VPS37A: variants seen among roughly 807,000 people sequenced by gnomAD.
VPS37A encodes vacuolar protein sorting-associated protein 37A.
In VPS37A, 30 loss-of-function variants were observed where a neutral mutation model predicts 49.8. That is an observed-to-expected ratio of 0.60 (90% CI 0.45 to 0.82). VPS37A has a LOEUF of 0.82. Ranked by LOEUF, VPS37A falls within the 40% of genes least tolerant of loss-of-function variation. The pLI, the probability that VPS37A is intolerant of heterozygous loss-of-function variation, is 0.00. For missense variants in VPS37A, 593 were observed against 464.4 expected (o/e 1.28, Z -2.55); for synonymous variants, 195 against 160.6 (o/e 1.21, Z -1.62).
chr8:17,330,568 T>C, the VPS37A span, among the ~76,000 whole-genome samples: 5 of 152,234 alleles, frequency 3.3e-5, no homozygotes, highest in Admixed American at 1.3e-4. Context: ...TCTTCTCTAT[T>C]ACATAATCCA....
In VPS37A at chr8:17,294,232, C is replaced by T. The variant is rs541477168; in HGVS notation, c.*1-755C>T. On this transcript the variant is annotated intron_variant, in intron 11 of 11. Coordinates refer to ENST00000324849, the MANE Select transcript of VPS37A (RefSeq NM_152415.3). Reference sequence around the variant, plus strand: ...TGGGCTTTGCCCAGTCCAAACTTCCCGGAGGCTTTGTTTACACTGTGAGGG... The same window carrying T: ...TGGGCTTTGCCCAGTCCAAACTTCCTGGAGGCTTTGTTTACACTGTGAGGG... Among the ~76,000 whole-genome samples the T allele has an allele frequency of 5.9e-5, 9 of 152,234 alleles. No homozygotes were observed. In the East Asian group the frequency reaches 1.2e-3, roughly 20 times the overall value.
intron 1 of VPS37A, among the ~76,000 whole-genome samples, chr8:17,265,140 C>T (rs1465843501): frequency 6.6e-6 from 1 of 152,150 alleles, no homozygotes; most frequent in East Asian, 1.9e-4. Context: ...TAGTGCATGG[C>T]TTCAATTCTC....
intron 1 of VPS37A, among the ~76,000 whole-genome samples, chr8:17,253,250 G>A (rs927157587): frequency 1.3e-5 from 2 of 152,084 alleles, no homozygotes; most frequent in East Asian, 1.9e-4. Flanking sequence ...AACCTGTGCC[G>A]TCTTCCATTT....
At chr8:17,278,517 G>A (rs1249907548) in intron 6 of VPS37A, among the ~76,000 whole-genome samples, 1 of 151,996 alleles carries the variant, frequency 6.6e-6, no homozygotes, top group Non-Finnish European at 1.5e-5. Flanking sequence ...TGCTCTGATG[G>A]GTGAGAAACT....
rs994149373 is a variant in VPS37A at position 17,247,120 on chromosome 8, G to C, written c.-125G>C. The C allele has an allele frequency of 1.5e-6, 2 of 1,300,456 alleles. No individual in the cohort carries two copies. The highest frequency in any genetic ancestry group is 3.0e-5 in the African/African-American group (2 of 67,556). The allele number at this position is 1,300,456 out of a possible 1,614,324, so 80.6% of individuals were successfully genotyped here. A position where few individuals can be genotyped will look rare whatever the true frequency, so the allele number is the denominator to read the frequency against. On this transcript the variant is annotated 5_prime_UTR_variant, in exon 1 of 12. Transcript: ENST00000324849. Reference sequence around the variant, plus strand: ...GCAGGACAGGCTTAGAGAAGACGCGGTCCCCAGCGCTTGGGCCACGGACGT... The same window carrying C: ...GCAGGACAGGCTTAGAGAAGACGCGCTCCCCAGCGCTTGGGCCACGGACGT...
intron 6 of VPS37A, 27 bp downstream of exon 6, chr8:17,276,494 C>G: frequency 1.9e-6 from 3 of 1,588,614 alleles, no homozygotes; most frequent in South Asian, 2.3e-5. Flanking sequence ...AAGTTGGTCA[C>G]ATTGTCTATT....
intron 1 of VPS37A, chr8:17,247,907 G>A (rs1186965747): frequency 1.6e-6 from 1 of 632,276 alleles, no homozygotes; most frequent in Non-Finnish European, 2.8e-6. Context: ...TACCCTGTTG[G>A]AGCAGTCTCT....
At chr8:17,306,577 T>C (rs999897979), downstream of VPS37A, among the ~76,000 whole-genome samples, 8 of 152,216 alleles carry the variant, frequency 5.3e-5, no homozygotes, top group Non-Finnish European at 7.3e-5. Flanking sequence ...GATTTTAAAA[T>C]GAAGACTCCT....
the VPS37A span, among the ~76,000 whole-genome samples, chr8:17,312,094 A>C: frequency 7.2e-3 from 1,098 of 152,336 alleles, 12 homozygotes; most frequent in African/African-American, 0.025. Flanking sequence ...AAGGTTGAGG[A>C]AAGGAAAAAA....
At position 17,247,283 on chromosome 8, in the gene VPS37A, C is replaced by T. The variant is rs775592742; in HGVS notation, c.39C>T (p.Ser13=). The change falls in exon 1 of 12, where the codon TCC becomes TCT. Residue 13 remains serine, a synonymous_variant. Transcript: ENST00000324849. ...TTCCCCTGACCAAGAGCGCCTCCTCCTCCGCGGCTGGGTCCCCCGGTGGCC... is the reference window on the plus strand; with the variant it reads ...TTCCCCTGACCAAGAGCGCCTCCTCTTCCGCGGCTGGGTCCCCCGGTGGCC... The part of the protein sequence containing the change: ...WLFPLTKSAS[S]SAAGSPGGLT... 3.2e-6 allele frequency: 5 copies of T among 1,567,114 alleles called. No individual in the cohort carries two copies. Among genetic ancestry groups the T allele is most frequent in the Non-Finnish European group, 4.3e-6 (5 of 1,155,998 alleles).
intron 4 of VPS37A, among the ~76,000 whole-genome samples, chr8:17,270,635 A>G (rs1000912505): frequency 6.6e-6 from 1 of 152,162 alleles, no homozygotes; most frequent in African/African-American, 2.4e-5. Flanking sequence ...AGGGGAGGGA[A>G]AGTAGACTTC....
intron 6 of VPS37A, among the ~76,000 whole-genome samples, chr8:17,279,262 A>G (rs531588211): frequency 1.3e-5 from 2 of 152,082 alleles, no homozygotes; most frequent in Non-Finnish European, 2.9e-5. Flanking sequence ...TTTACTGGCT[A>G]CATTTTGGCC....
At chr8:17,318,617 C>T in the VPS37A span, among the ~76,000 whole-genome samples, 1 of 152,152 alleles carries the variant, frequency 6.6e-6, no homozygotes. Flanking sequence ...CGCATCATGT[C>T]AGCTAATTCA....
At chr8:17,258,034 TTGTC>T (rs1274644081) in intron 1 of VPS37A, among the ~76,000 whole-genome samples, 1 of 152,202 alleles carries the variant, frequency 6.6e-6, no homozygotes, top group African/African-American at 2.4e-5. Context: ...GGTTTTTTGT[TTGTC>T]TGTTTTTTTG....
the VPS37A span, among the ~76,000 whole-genome samples, chr8:17,323,687 A>G: frequency 6.6e-6 from 1 of 152,116 alleles, no homozygotes; most frequent in Non-Finnish European, 1.5e-5. Flanking sequence ...CCAGCTGAGA[A>G]AGCTTCCAGG....
chr8:17,247,629 C>G (rs778708550), intron 1 of VPS37A: 3 of 704,814 alleles, frequency 4.3e-6, no homozygotes, highest in East Asian at 2.7e-5. Flanking sequence ...TAGCTGCTGA[C>G]TGTAATCTCT....
the VPS37A span, among the ~76,000 whole-genome samples, chr8:17,328,843 C>T: frequency 6.6e-6 from 1 of 152,160 alleles, no homozygotes; most frequent in Non-Finnish European, 1.5e-5. Context: ...TGCTATGTGA[C>T]TGAAAGGCAT....
At chr8:17,254,443 C>G (rs960814959) in intron 1 of VPS37A, among the ~76,000 whole-genome samples, 2 of 152,198 alleles carry the variant, frequency 1.3e-5, no homozygotes, top group African/African-American at 4.8e-5. Flanking sequence ...AGCCTACCTG[C>G]TGCTCCACGA....
At chr8:17,287,955 C>T (rs1410030637) in intron 11 of VPS37A, among the ~76,000 whole-genome samples, 1 of 152,090 alleles carries the variant, frequency 6.6e-6, no homozygotes, top group Non-Finnish European at 1.5e-5. Flanking sequence ...GACTAGGGTA[C>T]AGGAAAAGAA....
Sources: allele counts gnomAD v4.1 joint callset (sites outside exome capture counted in the v4.1 genomes callset), GRCh38; gene constraint gnomAD v4.1.1; transcripts MANE v1.5; gene names NCBI Gene and HGNC (gene_info 2026-07-23, HGNC 2026-07-21).